The following KMT2D variants were observed in gnomAD, a reference collection of about 807,000 sequenced individuals.
KMT2D encodes histone-lysine N-methyltransferase 2D.
Under a neutral mutation model 512.7 loss-of-function variants are expected in KMT2D, and 55 were observed. The observed-to-expected ratio is 0.11, with a 90% CI of 0.09 to 0.13. KMT2D has a LOEUF of 0.13. Among genes scored for constraint, KMT2D ranks in the 10% least tolerant of loss-of-function variants. The pLI is 1.00. For synonymous variants in KMT2D, 2,995 were observed against 2,904.0 expected, an observed-to-expected ratio of 1.03 and a Z score of -1.01; for missense variants, 6,061 against 7,127.9, an observed-to-expected ratio of 0.85 and a Z score of 5.39.
Position 49,033,573 on chromosome 12 carries a change from G to T in KMT2D, c.11132C>A (p.Pro3711His), listed in dbSNP as rs967055107. 15 of 1,613,566 alleles carry T rather than the reference G, an allele frequency of 9.3e-6. No homozygotes were observed. Among genetic ancestry groups the T allele is most frequent in the Non-Finnish European group, 1.3e-5 (15 of 1,179,802 alleles). ...PGNLALRSLG[P>H]DSRLLQERQL... ...CCTTTCCTGTAAAAGCCTTGAATCA[G>T]GTCCGAGGCTTCGAAGAGCAAGGTT... Residue 3711 changes from proline (P) to histidine (H), a missense_variant, in exon 40 of 55, where the codon CCT (proline) becomes CAT (histidine). Physicochemically the swap from Pro to His is moderately conservative, Grantham distance 77. Transcript: ENST00000301067.
Position 49,032,760 on chromosome 12 carries a change from C to G in KMT2D, c.11945G>C (p.Arg3982Pro), listed in dbSNP as rs760983900. 2 of 1,574,132 alleles carry G rather than the reference C, an allele frequency of 1.3e-6. No individual in the cohort carries two copies. Among genetic ancestry groups the G allele is most frequent in the Middle Eastern group, 3.3e-4 (2 of 5,996 alleles). Residue 3982 changes from arginine to proline, a missense_variant, in exon 40 of 55, where the codon CGA becomes CCA. Arg to Pro is a moderately radical substitution (Grantham distance 103). Coordinates refer to ENST00000301067, the MANE Select transcript of KMT2D (RefSeq NM_003482.4). ...TTGTTGCTGAGGAGACAGTAAAGTT[C>G]GACTCTGGTTTAAAAGGCCCATCTG... ...QQQMGLLNQS[R>P]TLLSPQQQQQ...
At position 49,042,896 on chromosome 12, in the gene KMT2D, A is replaced by C. The variant is rs1394714363; in HGVS notation, c.5645-18T>G. On this transcript the variant is annotated intron_variant, in intron 26 of 54. Coordinates refer to ENST00000301067, the MANE Select transcript of KMT2D (RefSeq NM_003482.4). The surrounding 1 kb of genome is among the most constrained non-coding windows in gnomAD (Gnocchi z 4.4). ...GGGCAGTTCTGTGGGGGAATGAAGG[A>C]CACTGTTGAGGAAGACTGGGAAGTT... 2.5e-6 allele frequency: 4 copies of C among 1,613,426 alleles called. No individual in the cohort carries two copies. In the Admixed American group the frequency reaches 6.7e-5, roughly 27 times the overall value.
Position 49,028,810 on chromosome 12 carries a change from G to A in KMT2D, c.14382+18C>T, listed in dbSNP as rs373804862. The A allele has an allele frequency of 2.4e-5, 39 of 1,612,280 alleles. No homozygotes were observed. The highest frequency in any genetic ancestry group is 3.2e-5 in the Non-Finnish European group (38 of 1,179,322). On this transcript the variant is annotated intron_variant, in intron 46 of 54. Transcript: ENST00000301067. The stretch of plus-strand genomic sequence containing the variant: ...CTGATCAGGTTCCCCTCAGCCTCGA[G>A]GTACCCCTAGGACACACCTTGGCTG...
rs748003888 is a variant in KMT2D at position 49,032,482 on chromosome 12, G to A, written c.12223C>T (p.Leu4075Phe). The A allele has an allele frequency of 5.1e-6, 8 of 1,568,326 alleles. No individual in the cohort carries two copies. The highest frequency in any genetic ancestry group is 2.7e-5 in the African/African-American group (2 of 73,706). The change falls in exon 40 of 55, where the codon CTC (leucine) becomes TTC (phenylalanine). Residue 4075 changes from leucine (L) to phenylalanine (F), a missense_variant. By Grantham distance (22) the Leu-to-Phe change is conservative. Around this residue, in one of 16 missense-constraint regions of KMT2D, gnomAD observed 1,600 missense variants for 1,754.9 expected, o/e 0.91. Coordinates refer to ENST00000301067, the MANE Select transcript of KMT2D (RefSeq NM_003482.4). ...TGGGGCTGGGGTTGGACAAGCAGGA[G>A]TTGTGAGTCCCCAGAGAGTGAGGGC... is the stretch of plus-strand genomic sequence containing the variant. ...VKPSLSGDSQ[L>F]LLVQPQPQPQ...
chr12:49,035,277 G>A (rs1950209366), intron 35 of KMT2D, among the ~76,000 whole-genome samples: 1 of 152,232 alleles, frequency 6.6e-6, no homozygotes, highest in South Asian at 2.1e-4. Flanking sequence ...AATGTGACAA[G>A]AATATAAGTA....
chr12:49,056,198 T>C (rs189858041), intron 1 of KMT2D, among the ~76,000 whole-genome samples: 3 of 152,146 alleles, frequency 2.0e-5, no homozygotes, highest in East Asian at 1.9e-4. Context: ...TCAGGAAGCA[T>C]AGAGCCACTC....
Position 49,032,882 on chromosome 12 carries a change from TTGAAGCTGCTGCTGCTGTTGC to T in KMT2D, c.11802_11822del (p.Leu3940_Gln3946del). The T allele has an allele frequency of 6.5e-7, 1 of 1,549,842 alleles. No homozygotes were observed. On this transcript the variant is annotated inframe_deletion, in exon 40 of 55. Transcript: ENST00000301067. ...GTTGAAGCTGTTGCTGCTGCTGTTG[TTGAAGCTGCTGCTGCTGTTGC>T]TGCTGTTGAAGCTGTTGCTGCTGAA...
chr12:49,053,816 G>GA (rs1256394083), intron 6 of KMT2D, among the ~76,000 whole-genome samples, 162 bp downstream of exon 6: 7 of 152,346 alleles, frequency 4.6e-5, no homozygotes, highest in Admixed American at 4.6e-4. Flanking sequence ...AATGATAAAT[G>GA]AGACAGGCAA....
rs1027130009 is a variant in KMT2D, at chr12:49,019,117, G to A, written c.*2663C>T. On this transcript the variant is annotated 3_prime_UTR_variant, in exon 55 of 55. Coordinates refer to ENST00000301067, the MANE Select transcript of KMT2D (RefSeq NM_003482.4). ...TGATACAAAACATGCCAAGGACAGG[G>A]GCGCTGAGGGTGGAGGGAGAGAGGG... 3.4e-6 allele frequency: 4 copies of A among 1,167,036 alleles called. No individual in the cohort carries two copies. Among genetic ancestry groups the A allele is most frequent in the South Asian group, 5.4e-5 (2 of 37,122 alleles). The allele number at this position is 1,167,036 out of a possible 1,614,324, so 72.3% of individuals were successfully genotyped here. A position where few individuals can be genotyped will look rare whatever the true frequency, so the allele number is the denominator to read the frequency against.
rs1943815254 is a variant in KMT2D, at chr12:49,046,910, ATC to A, written c.4237-122_4237-121del. ...CCCCAGGCTGGAGTGCAATGGCGCG[ATC>A]TCGGCTCACTGCAACCTCTGCCTCT... On this transcript the variant is annotated intron_variant, in intron 15 of 54. Transcript: ENST00000301067. The surrounding 1 kb of genome is among the most constrained non-coding windows in gnomAD (Gnocchi z 4.2). The A allele has an allele frequency of 2.4e-6, 2 of 841,904 alleles. No individual in the cohort carries two copies. The highest frequency in any genetic ancestry group is 5.4e-5 in the Admixed American group (2 of 37,152). The allele number at this position is 841,904 out of a possible 1,614,324, so 52.2% of individuals were successfully genotyped here.
In KMT2D at chr12:49,050,512, G is replaced by A. The variant is rs757409344; in HGVS notation, c.3076C>T (p.Pro1026Ser). 1.9e-6 allele frequency: 3 copies of A among 1,611,550 alleles called. No individual in the cohort carries two copies. The highest frequency in any genetic ancestry group is 2.5e-6 in the Non-Finnish European group (3 of 1,178,040). ...GGAACCAGGGAATGCTGAAGGAGTG[G>A]CGAACACTGAGGAGGAAGGGGCTCC... Reference protein sequence around the residue: ...LMEPLPPQCSPLLQHSLVPQN... With the variant: ...LMEPLPPQCSSLLQHSLVPQN... The change falls in exon 12 of 55, where the codon CCA becomes TCA. Residue 1026 changes from proline (P) to serine (S), a missense_variant. Pro to Ser is a moderately conservative substitution (Grantham distance 74). Coordinates refer to ENST00000301067, the MANE Select transcript of KMT2D (RefSeq NM_003482.4).
At position 49,050,134 on chromosome 12, in the gene KMT2D, G is replaced by A. The variant is rs1284369024; in HGVS notation, c.3454C>T (p.Pro1152Ser). 1 of 1,613,524 alleles carries A rather than the reference G, an allele frequency of 6.2e-7. No individual in the cohort carries two copies. The highest frequency in any genetic ancestry group is 1.1e-5 in the South Asian group (1 of 91,082). ...GSLASELKGSPVLLDPEELAP... is the reference protein window; with the variant it reads ...GSLASELKGSSVLLDPEELAP... ...AGCTCCTCGGGGTCCAGGAGCACAG[G>A]GGAGCCTTTAAGTTCACTAGCCAAA... Residue 1152 changes from proline (P) to serine (S), a missense_variant, in exon 12 of 55, where the codon CCT (proline) becomes TCT (serine). This residue lies in a region of KMT2D where 447 missense variants were observed against 500.1 expected (regional missense o/e 0.89). Transcript: ENST00000301067.
rs1414433258 is a variant in KMT2D at position 49,040,581 on chromosome 12, C to G, written c.7189G>C (p.Ala2397Pro). Residue 2397 changes from alanine (A) to proline (P), a missense_variant, in exon 32 of 55, where the codon GCT (alanine) becomes CCT (proline). By Grantham distance (27) the Ala-to-Pro change is conservative. Around this residue, in one of 16 missense-constraint regions of KMT2D, gnomAD observed 710 missense variants for 647.3 expected, o/e 1.10. Coordinates refer to ENST00000301067, the MANE Select transcript of KMT2D (RefSeq NM_003482.4). The part of the protein sequence containing the change: ...PQPPPPESCC[A>P]LPPRSLPSDP... ...GAGGGCAGTGAGCGAGGGGGCAGAGCACAGCAGCTCTCAGGGGGCGGAGGT... is the reference window on the plus strand; with the variant it reads ...GAGGGCAGTGAGCGAGGGGGCAGAGGACAGCAGCTCTCAGGGGGCGGAGGT... 6.2e-6 allele frequency: 10 copies of G among 1,612,900 alleles called. No individual in the cohort carries two copies. The highest frequency in any genetic ancestry group is 3.3e-5 in the Admixed American group (2 of 59,900).
In KMT2D at chr12:49,026,298, T is replaced by C. The variant is rs779303083; in HGVS notation, c.15668A>G (p.Asn5223Ser). ...AGAACAGCGATAGCAGCAGCGACGATTGTTGGTGCGGAGGCTCCAATAGAT... is the reference window on the plus strand; with the variant it reads ...AGAACAGCGATAGCAGCAGCGACGACTGTTGGTGCGGAGGCTCCAATAGAT... ...TRIYWSLRTN[N>S]RRCCYRCSIG... Residue 5223 changes from asparagine to serine, a missense_variant, in exon 49 of 55, where the codon AAT (asparagine) becomes AGT (serine). Physicochemically the swap from Asn to Ser is conservative, Grantham distance 46. Transcript: ENST00000301067. This position sits in a 1 kb window ranked among gnomAD's most constrained non-coding sequence, Gnocchi z 9.6. The C allele has an allele frequency of 2.2e-5, 35 of 1,611,476 alleles. 1 individual carries two copies. The highest frequency in any genetic ancestry group is 1.3e-4 in the Admixed American group (8 of 59,962).
In KMT2D at chr12:49,052,026, G is replaced by A. The variant is rs772559303; in HGVS notation, c.1657C>T (p.Pro553Ser). The A allele has an allele frequency of 6.2e-7, 1 of 1,613,366 alleles. No individual in the cohort carries two copies. The highest frequency in any genetic ancestry group is 8.5e-7 in the Non-Finnish European group (1 of 1,179,696). The change falls in exon 11 of 55, where the codon CCT (proline) becomes TCT (serine). Residue 553 changes from proline (P) to serine (S), a missense_variant. By Grantham distance (74) the Pro-to-Ser change is moderately conservative. Around this residue, in one of 16 missense-constraint regions of KMT2D, gnomAD observed 848 missense variants for 838.5 expected, o/e 1.01. Transcript: ENST00000301067. ...AATTCCTCAGGTGGCGGGGACAAAGGAGATTCTTCAAATGGTGGGGACAGG... is the reference window on the plus strand; with the variant it reads ...AATTCCTCAGGTGGCGGGGACAAAGAAGATTCTTCAAATGGTGGGGACAGG... ...SPLSPPFEES[P>S]LSPPPEELPT... is the part of the protein sequence containing the mutation.
chr12:49,045,887 CTGGCTT>C, intron 19 of KMT2D, 27 bp downstream of exon 19: 1 of 1,551,366 alleles, frequency 6.4e-7, no homozygotes, highest in Non-Finnish European at 8.9e-7. Context: ...GACGTCTGGT[CTGGCTT>C]TGGCATTCAA....
At position 49,054,518 on chromosome 12, in the gene KMT2D, C is replaced by A; in HGVS notation, c.400+10G>T. On this transcript the variant is annotated intron_variant, in intron 4 of 54. Transcript: ENST00000301067. The surrounding 1 kb of genome is among the most constrained non-coding windows in gnomAD (Gnocchi z 6.4). ...CTTATCCCATTTCCTGCCCCATTCTCCTCACTCACCTCCAGGTTCTCCTAG... is the reference window on the plus strand; with the variant it reads ...CTTATCCCATTTCCTGCCCCATTCTACTCACTCACCTCCAGGTTCTCCTAG... 6.2e-7 allele frequency: 1 copy of A among 1,605,068 alleles called. No individual in the cohort carries two copies. Among genetic ancestry groups the A allele is most frequent in the Non-Finnish European group, 8.5e-7 (1 of 1,175,306 alleles).
Position 49,034,456 on chromosome 12 carries a change from G to T in KMT2D, c.10461C>A (p.Pro3487=). ...TGGGCGGGTTGGGACGAGGCTGGGA[G>T]GGATCACCAGCACTCCGCTCCTGCA... The part of the protein sequence containing the change: ...GSGQERSAGD[P]SQPRPNPPTF... Residue 3487 remains proline (P), a synonymous_variant, in exon 38 of 55, where the codon CCC becomes CCA. Coordinates refer to ENST00000301067, the MANE Select transcript of KMT2D (RefSeq NM_003482.4). The T allele has an allele frequency of 6.2e-7, 1 of 1,613,778 alleles. No individual in the cohort carries two copies. Among genetic ancestry groups the T allele is most frequent in the Non-Finnish European group, 8.5e-7 (1 of 1,179,840 alleles).
rs1294671820 is a variant in KMT2D at position 49,019,021 on chromosome 12, T to C, written c.*2759A>G. On this transcript the variant is annotated 3_prime_UTR_variant, in exon 55 of 55. Transcript: ENST00000301067. ...TTTATTTGTCGTTTAAAAACAAACT[T>C]GGAAGAAGCAAAATCCAAAACTTGC... 4 of 1,388,962 alleles carry C rather than the reference T, an allele frequency of 2.9e-6. No individual in the cohort carries two copies. The East Asian group carries it at 1.1e-4, about 38-fold the overall frequency. The allele number at this position is 1,388,962 out of a possible 1,614,324, so 86.0% of individuals were successfully genotyped here. A position where few individuals can be genotyped will look rare whatever the true frequency, so the allele number is the denominator to read the frequency against.
Sources: gnomAD v4.1 joint callset for allele counts (sites outside exome capture counted in the v4.1 genomes callset) on GRCh38, gnomAD v4.1.1 for gene constraint, gnomAD v4.1.1 regional missense constraint, Gnocchi (gnomAD v3.1) non-coding constraint, MANE v1.5 for transcripts, NCBI Gene and HGNC (gene_info 2026-07-23, HGNC 2026-07-21) for gene names.